The following IFNGR1 variants were observed in gnomAD, a reference collection of about 807,000 sequenced individuals.
IFNGR1 encodes the protein interferon gamma receptor 1.
In IFNGR1, 23 loss-of-function variants were observed where a neutral mutation model predicts 35.4. The ratio of observed to expected loss-of-function variants is 0.65; its 90% CI spans 0.47 to 0.92. The LOEUF is 0.92. Among genes scored for constraint, IFNGR1 ranks in the 40% least tolerant of loss-of-function variants. IFNGR1 has a pLI of 0.00. For synonymous variants in IFNGR1, 199 were observed against 209.5 expected (o/e 0.95, Z 0.43); for missense variants, 533 against 583.4 (o/e 0.91, Z 0.89).
Position 137,207,027 on chromosome 6 carries a change from C to T in IFNGR1, c.136G>A (p.Val46Ile), listed in dbSNP as rs538147969. 210 of 1,613,864 alleles carry T rather than the reference C, an allele frequency of 1.3e-4. 2 individuals are homozygous for T. In the South Asian group the frequency reaches 1.9e-3, roughly 15 times the overall value. ...GGCATGATCTGGTACTCCCAATATA[C>T]GATAGGGTTCATGTTATAGGATTCA... ...TIESYNMNPI[V>I]YWEYQIMPQV... The change falls in exon 2 of 7, where the codon GTA becomes ATA. Residue 46 changes from valine (V) to isoleucine (I), a missense_variant. Transcript: ENST00000367739.
At chr6:137,200,144 A>G (rs1779243138) in intron 6 of IFNGR1, among the ~76,000 whole-genome samples, 1 of 152,218 alleles carries the variant, frequency 6.6e-6, no homozygotes, top group East Asian at 1.9e-4. Flanking sequence ...ATAAAATATT[A>G]TAATTCATTT....
At chr6:137,199,457 ACT>A (rs66728243) in intron 6 of IFNGR1, among the ~76,000 whole-genome samples, 2 of 25,630 alleles carry the variant, frequency 7.8e-5, no homozygotes, top group East Asian at 1.1e-3. Flanking sequence ...AAAATATATA[ACT>A]TATATTATAT....
chr6:137,205,578 G>C (rs1421007172), intron 3 of IFNGR1, among the ~76,000 whole-genome samples: 1 of 152,174 alleles, frequency 6.6e-6, no homozygotes, highest in Admixed American at 6.5e-5. Flanking sequence ...CAGAATAAGA[G>C]TTAGCTGCCA....
chr6:137,198,376 C>G lies in IFNGR1; in HGVS notation c.1125G>C (p.Glu375Asp), dbSNP rs1779149725. The G allele has an allele frequency of 6.2e-7, 1 of 1,614,042 alleles. No individual in the cohort carries two copies. The change falls in exon 7 of 7, where the codon GAG (glutamate) becomes GAC (aspartate). Residue 375 changes from glutamate to aspartate, a missense_variant. By Grantham distance (45) the Glu-to-Asp change is conservative. Transcript: ENST00000367739. ...TACTTAAAGGTGAAGAACTCTCTCT[C>G]TCTATTGGAGTCAGATGGCTGCCCG... ...VVPGSHLTPI[E>D]RESSSPLSSN...
At chr6:137,202,818 T>G (rs1012873362) in intron 5 of IFNGR1, among the ~76,000 whole-genome samples, 6 of 152,120 alleles carry the variant, frequency 3.9e-5, no homozygotes, top group Non-Finnish European at 8.8e-5. Flanking sequence ...TCTTCTGGTT[T>G]TTCATATTTT....
intron 4 of IFNGR1, 187 bp from the exon 5 acceptor site, chr6:137,203,872 G>A: frequency 1.6e-6 from 1 of 607,944 alleles, no homozygotes; most frequent in Non-Finnish European, 2.9e-6. Flanking sequence ...CTATGCATCT[G>A]TTATATTCCT....
intron 3 of IFNGR1, among the ~76,000 whole-genome samples, chr6:137,205,521 T>C (rs913927486): frequency 1.2e-4 from 19 of 152,222 alleles, no homozygotes; most frequent in Non-Finnish European, 1.5e-4. Flanking sequence ...TAAGGAACTC[T>C]GCAATTTTTT....
At chr6:137,201,159 T>A (rs56047810) in intron 5 of IFNGR1, 151 bp from the exon 6 acceptor site, 2 of 817,098 alleles carry the variant, frequency 2.4e-6, no homozygotes, top group African/African-American at 3.5e-5. Context: ...AGTTAGGAAA[T>A]CTGAGTAAAA....
intron 1 of IFNGR1, among the ~76,000 whole-genome samples, chr6:137,211,972 C>T (rs1333999165): frequency 4.6e-5 from 7 of 152,050 alleles, no homozygotes; most frequent in African/African-American, 1.4e-4. Context: ...TTTTGCCTCT[C>T]GAGAGGCTGA....
At chr6:137,209,432 C>T (rs185291732) in intron 1 of IFNGR1, among the ~76,000 whole-genome samples, 28 of 152,160 alleles carry the variant, frequency 1.8e-4, no homozygotes, top group African/African-American at 5.8e-4. Flanking sequence ...GGAATTCCCA[C>T]GTGTTATGAG....
intron 3 of IFNGR1, among the ~76,000 whole-genome samples, chr6:137,204,777 AG>A (rs1169644758): frequency 6.6e-6 from 1 of 152,238 alleles, no homozygotes; most frequent in Non-Finnish European, 1.5e-5. Context: ...AAATAAAAAT[AG>A]TTATAAACTT....
At position 137,203,592 on chromosome 6, in the gene IFNGR1, A is replaced by G; in HGVS notation, c.640T>C (p.Cys214Arg). The G allele has an allele frequency of 6.2e-7, 1 of 1,613,300 alleles. No individual in the cohort carries two copies. Among genetic ancestry groups the G allele is most frequent in the East Asian group, 2.2e-5 (1 of 44,850 alleles). ...IPVSSLNSQY[C>R]VSAEGVLHVW... is the part of the protein sequence containing the mutation. ...TGTAAGACTCCTTCTGCTGAAACAC[A>G]GTACTGAGAATTCAGTGAGGATACT... Residue 214 changes from cysteine (C) to arginine (R), a missense_variant, in exon 5 of 7, where the codon TGT (cysteine) becomes CGT (arginine). Cys to Arg is a radical substitution (Grantham distance 180). Coordinates refer to ENST00000367739, the MANE Select transcript of IFNGR1 (RefSeq NM_000416.3).
chr6:137,204,266 T>C, intron 4 of IFNGR1, 66 bp downstream of exon 4: 1 of 1,309,112 alleles, frequency 7.6e-7, no homozygotes, highest in Non-Finnish European at 1.1e-6. Context: ...TTCATTACAC[T>C]ACAGAAAGGA....
rs2114442695 is a variant in IFNGR1, at chr6:137,198,293, G to A, written c.1208C>T (p.Ser403Phe). ...ACCATTTCTGGAGTGATCACTCTCA[G>A]AACAATTTCTGGAGTGATACGAGTT... ...ALNSYHSRNC[S>F]ESDHSRNGFD... is the part of the protein sequence containing the mutation. The change falls in exon 7 of 7, where the codon TCT becomes TTT. Residue 403 changes from serine to phenylalanine, a missense_variant. Transcript: ENST00000367739. 6.2e-7 allele frequency: 1 copy of A among 1,613,988 alleles called. No individual in the cohort carries two copies. The highest frequency in any genetic ancestry group is 8.5e-7 in the Non-Finnish European group (1 of 1,180,024).
In IFNGR1 at chr6:137,203,029, T is replaced by C. The variant is rs116893669; in HGVS notation, c.733+470A>G. Among the ~76,000 whole-genome samples, 1,430 of 152,292 alleles carry C rather than the reference T, an allele frequency of 9.4e-3. 15 individuals are homozygous for C. Among genetic ancestry groups the C allele is most frequent in the Non-Finnish European group, 0.015 (1,007 of 68,022 alleles). On this transcript the variant is annotated intron_variant, in intron 5 of 6. Coordinates refer to ENST00000367739, the MANE Select transcript of IFNGR1 (RefSeq NM_000416.3). ...TATAAAAATGACCCATTATCTATTA[T>C]TCAAACCCATCTATAAACTTTTTTG...
rs1412369492 is a variant in IFNGR1 at position 137,219,262 on chromosome 6, C to G, written c.66G>C (p.Ala22=). ...QGVSRAEMGT[A]DLGPSSVPTP... ...CGGTACCTGAGGACGGCCCCAGATC[C>G]GCGGTGCCCATCTCAGCCCTGCTCA... Residue 22 remains alanine (A), a synonymous_variant, in exon 1 of 7, where the codon GCG becomes GCC. Coordinates refer to ENST00000367739, the MANE Select transcript of IFNGR1 (RefSeq NM_000416.3). The G allele has an allele frequency of 1.2e-6, 2 of 1,611,280 alleles. No individual in the cohort carries two copies. The highest frequency in any genetic ancestry group is 3.4e-5 in the Admixed American group (2 of 59,668).
chr6:137,206,007 T>C (rs1779419120), intron 3 of IFNGR1, 129 bp downstream of exon 3: 1 of 794,266 alleles, frequency 1.3e-6, no homozygotes, highest in Non-Finnish European at 2.1e-6. Flanking sequence ...CTGTACTGAC[T>C]CTAAATTCCT....
At chr6:137,217,978 A>T (rs142682238) in intron 1 of IFNGR1, among the ~76,000 whole-genome samples, 7 of 152,324 alleles carry the variant, frequency 4.6e-5, no homozygotes, top group African/African-American at 1.4e-4. Flanking sequence ...AAAAGAGACA[A>T]GCACCCCGCC....
At chr6:137,200,043 G>A (rs1019170805) in intron 6 of IFNGR1, among the ~76,000 whole-genome samples, 1 of 152,064 alleles carries the variant, frequency 6.6e-6, no homozygotes, top group Admixed American at 6.6e-5. Context: ...GCTACTGCTG[G>A]TACTACTGGA....
Sources: allele counts gnomAD v4.1 joint callset (sites outside exome capture counted in the v4.1 genomes callset), GRCh38; gene constraint gnomAD v4.1.1; transcripts MANE v1.5; gene names NCBI Gene and HGNC (gene_info 2026-07-23, HGNC 2026-07-21).